CNTNAP2: variants seen among roughly 807,000 people sequenced by gnomAD.
The protein encoded by CNTNAP2 is contactin-associated protein-like 2.
In CNTNAP2, 98 loss-of-function variants were observed where a neutral mutation model predicts 155.2. The ratio of observed to expected loss-of-function variants is 0.63; its 90% CI spans 0.54 to 0.75. The LOEUF is 0.75. CNTNAP2 is among the 30% of genes least tolerant of loss of function. The probability of loss-of-function intolerance (pLI) is 0.00; values close to 1 mark genes in which losing one functional copy is unlikely to be tolerated. For missense variants in CNTNAP2, 1,727 were observed against 1,688.1 expected (o/e 1.02, Z -0.40); for synonymous variants, 651 against 631.2 (o/e 1.03, Z -0.47).
At chr7:146,233,267 C>T (rs1799416230) in intron 1 of CNTNAP2, among the ~76,000 whole-genome samples, 1 of 152,056 alleles carries the variant, frequency 6.6e-6, no homozygotes, top group South Asian at 2.1e-4. Context: ...GATCAAAGAG[C>T]TTAATTCTCA....
chr7:146,713,217 A>C (rs1801129622), intron 1 of CNTNAP2, among the ~76,000 whole-genome samples: 1 of 152,182 alleles, frequency 6.6e-6, no homozygotes, highest in Non-Finnish European at 1.5e-5. Flanking sequence ...GGAAGCATTA[A>C]ATTCACATCA....
At chr7:147,150,980 C>T (rs1007808889) in intron 8 of CNTNAP2, among the ~76,000 whole-genome samples, 6 of 152,242 alleles carry the variant, frequency 3.9e-5, no homozygotes, top group East Asian at 1.9e-4. Flanking sequence ...GAACTAACAT[C>T]GGCTAAGGGG....
At position 146,827,980 on chromosome 7, in the gene CNTNAP2, T is replaced by C. The variant is rs1254251070; in HGVS notation, c.209-11731T>C. ...AGACTTCATTTCTGTGAATAAAATATATGACATATCTGGTTTTCCATATGG... is the reference window on the plus strand; with the variant it reads ...AGACTTCATTTCTGTGAATAAAATACATGACATATCTGGTTTTCCATATGG... On this transcript the variant is annotated intron_variant, in intron 2 of 23. Coordinates refer to ENST00000361727, the MANE Select transcript of CNTNAP2 (RefSeq NM_014141.6). 3.9e-5 allele frequency among the ~76,000 whole-genome samples: 6 copies of C among 152,144 alleles called. No homozygotes were observed. In the East Asian group the frequency reaches 9.6e-4, roughly 24 times the overall value.
At chr7:147,299,024 C>G (rs893018090) in intron 8 of CNTNAP2, among the ~76,000 whole-genome samples, 1 of 152,082 alleles carries the variant, frequency 6.6e-6, no homozygotes, top group Non-Finnish European at 1.5e-5. Context: ...CACCTTTATT[C>G]GTTAGAGTTC....
intron 1 of CNTNAP2, among the ~76,000 whole-genome samples, chr7:146,740,319 G>T: frequency 1.3e-5 from 2 of 148,302 alleles, no homozygotes. Context: ...TCCCTCTAAT[G>T]AATTTCTCAT....
chr7:146,794,822 C>G (rs2129189910), intron 2 of CNTNAP2, among the ~76,000 whole-genome samples: 1 of 152,270 alleles, frequency 6.6e-6, no homozygotes, highest in Non-Finnish European at 1.5e-5. Context: ...CTCTAAACAC[C>G]ATTTTCACAG....
intron 4 of CNTNAP2, among the ~76,000 whole-genome samples, chr7:147,107,598 C>T (rs760702786): frequency 4.6e-5 from 7 of 151,794 alleles, no homozygotes; most frequent in Admixed American, 6.6e-5. Flanking sequence ...TCTGAAAATT[C>T]GATTGGTTGT....
At chr7:147,026,723 T>C (rs1798928434) in intron 3 of CNTNAP2, among the ~76,000 whole-genome samples, 1 of 151,966 alleles carries the variant, frequency 6.6e-6, no homozygotes, top group South Asian at 2.1e-4. Flanking sequence ...CAGACTTGAT[T>C]ACCACTGTTT....
At chr7:147,260,879 A>G (rs1191885738) in intron 8 of CNTNAP2, among the ~76,000 whole-genome samples, 3 of 152,342 alleles carry the variant, frequency 2.0e-5, no homozygotes, top group Admixed American at 1.3e-4. Flanking sequence ...ACAACTTGCC[A>G]AAAGGTAAAT....
intron 2 of CNTNAP2, among the ~76,000 whole-genome samples, chr7:146,835,038 A>T (rs1010167489): frequency 7.9e-5 from 12 of 152,174 alleles, no homozygotes; most frequent in African/African-American, 2.4e-4. Context: ...TCACTACAGT[A>T]TTCTCTCCAC....
At chr7:147,513,642 G>A (rs559560419) in intron 11 of CNTNAP2, among the ~76,000 whole-genome samples, 4 of 152,324 alleles carry the variant, frequency 2.6e-5, no homozygotes, top group African/African-American at 9.6e-5. Context: ...CTTGGCTCAA[G>A]GCCAAATACA....
At chr7:147,125,046 A>AT (rs1417258009) in intron 6 of CNTNAP2, among the ~76,000 whole-genome samples, 3 of 151,310 alleles carry the variant, frequency 2.0e-5, no homozygotes, top group African/African-American at 7.3e-5. Context: ...ATGCCCGGCT[A>AT]TTTTTTTGTA....
At chr7:147,893,693 G>A (rs903312435) in intron 13 of CNTNAP2, among the ~76,000 whole-genome samples, 4 of 152,098 alleles carry the variant, frequency 2.6e-5, no homozygotes, top group East Asian at 1.9e-4. Flanking sequence ...CCTCCCACCC[G>A]TGGGTGAAAA....
rs1403154120 is a variant in CNTNAP2, at chr7:146,958,448, C to G, written c.403-85459C>G. On this transcript the variant is annotated intron_variant, in intron 3 of 23. Coordinates refer to ENST00000361727, the MANE Select transcript of CNTNAP2 (RefSeq NM_014141.6). ...TTTTTTTTTGAGACGGAGTCTCACT[C>G]TGTTGCCCAGGTTGGAGTGCAGTGG... Among the ~76,000 whole-genome samples, 12 of 114,686 alleles carry G rather than the reference C, an allele frequency of 1.0e-4. No individual in the cohort carries two copies. The East Asian group carries it at 2.8e-3, about 27-fold the overall frequency. The allele number at this position is 114,686 out of a possible 152,430, so 75.2% of individuals were successfully genotyped here.
Position 146,523,549 on chromosome 7 carries a change from A to G in CNTNAP2, c.98-250722A>G, listed in dbSNP as rs1462155340. 3.3e-5 allele frequency among the ~76,000 whole-genome samples: 5 copies of G among 152,068 alleles called. No homozygotes were observed. The South Asian group carries it at 1.0e-3, about 31-fold the overall frequency. ...CCTCCTTAATCTATTTTTTTTTACAATAAGGTTTATTATTTCCTTTTATCA... is the reference window on the plus strand; with the variant it reads ...CCTCCTTAATCTATTTTTTTTTACAGTAAGGTTTATTATTTCCTTTTATCA... On this transcript the variant is annotated intron_variant, in intron 1 of 23. Transcript: ENST00000361727.
intron 1 of CNTNAP2, among the ~76,000 whole-genome samples, chr7:146,622,034 C>G (rs1799326668): frequency 6.6e-6 from 1 of 151,986 alleles, no homozygotes; most frequent in African/African-American, 2.4e-5. Flanking sequence ...CTTTCAGTTG[C>G]CCTGTGTCCT....
chr7:146,621,533 T>A (rs1003856074), intron 1 of CNTNAP2, among the ~76,000 whole-genome samples: 2 of 152,128 alleles, frequency 1.3e-5, no homozygotes, highest in Non-Finnish European at 2.9e-5. Flanking sequence ...TTTTGAGGAG[T>A]ACTAGTCAGG....
chr7:146,931,767 C>G (rs924481261), intron 3 of CNTNAP2, among the ~76,000 whole-genome samples: 1 of 150,088 alleles, frequency 6.7e-6, no homozygotes, highest in Non-Finnish European at 1.5e-5. Context: ...CACCACCGAT[C>G]CCACAGAAAT....
At chr7:147,925,206 G>GTAAGGAAA (rs1554450411) in intron 14 of CNTNAP2, among the ~76,000 whole-genome samples, 33 of 122,762 alleles carry the variant, frequency 2.7e-4, no homozygotes, top group African/African-American at 9.1e-4. Context: ...AAGGAAGGAA[G>GTAAGGAAA]GAAAGAAGGA....
Sources: gnomAD v4.1 joint callset for allele counts (sites outside exome capture counted in the v4.1 genomes callset) on GRCh38, gnomAD v4.1.1 for gene constraint, MANE v1.5 for transcripts, NCBI Gene and HGNC (gene_info 2026-07-23, HGNC 2026-07-21) for gene names.